NDP: variants seen among roughly 807,000 people sequenced by gnomAD.
NDP encodes norrin.
A neutral mutation model predicts 8.4 loss-of-function variants in NDP; 2 were observed. The ratio of observed to expected loss-of-function variants is 0.24; its 90% confidence interval spans 0.10 to 0.75. The LOEUF (loss-of-function observed/expected upper bound fraction) is 0.75, where lower values mean the gene tolerates loss of function less well. Ranked by LOEUF, NDP falls within the 30% of genes least tolerant of loss-of-function variation. NDP has a pLI of 0.73. For synonymous variants in NDP, 55 were observed against 45.6 expected, an observed-to-expected ratio of 1.21 and a Z score of -0.83; for missense variants, 81 against 110.1, an observed-to-expected ratio of 0.74 and a Z score of 1.18.
intron 1 of NDP, among the ~76,000 whole-genome samples, chrX:43,959,494 G>A (rs1410823502): frequency 2.7e-5 from 3 of 112,345 alleles, no homozygotes; most frequent in Non-Finnish European, 3.8e-5. Context: ...GGTATCACAC[G>A]CGTATTTGCC....
At chrX:43,962,527 C>G (rs1181640076) in intron 1 of NDP, among the ~76,000 whole-genome samples, 1 of 111,709 alleles carries the variant, frequency 9.0e-6, no homozygotes, top group African/African-American at 3.3e-5. Context: ...TTATCTCTGC[C>G]TTGTAGCAGC....
chrX:43,963,369 C>G (rs767706092), intron 1 of NDP, among the ~76,000 whole-genome samples: 3 of 111,205 alleles, frequency 2.7e-5, no homozygotes, highest in Non-Finnish European at 3.8e-5. Context: ...TTGATAAACT[C>G]TCTGAACATC....
intron 1 of NDP, among the ~76,000 whole-genome samples, chrX:43,961,263 C>A (rs1046377160): frequency 3.6e-5 from 4 of 112,589 alleles, no homozygotes; most frequent in Non-Finnish European, 5.6e-5. Context: ...TCTGGCAATA[C>A]CTTTTAAAAA....
intron 1 of NDP, among the ~76,000 whole-genome samples, chrX:43,961,511 A>T (rs929863678): frequency 8.9e-6 from 1 of 112,294 alleles, no homozygotes; most frequent in Non-Finnish European, 1.9e-5. Flanking sequence ...AGAGATAAAA[A>T]CACATATTTG....
intron 1 of NDP, among the ~76,000 whole-genome samples, chrX:43,962,259 A>G (rs1045054203): frequency 9.1e-6 from 1 of 110,243 alleles, no homozygotes; most frequent in African/African-American, 3.3e-5. Context: ...TTCTGAAAAC[A>G]TAACCTGGGA....
At chrX:43,954,093 C>T (rs982715206) in intron 2 of NDP, among the ~76,000 whole-genome samples, 25 of 112,268 alleles carry the variant, frequency 2.2e-4, no homozygotes, top group African/African-American at 7.1e-4. Flanking sequence ...AAGTATTTTG[C>T]CTTTTTCGCA....
chrX:43,958,605 G>A lies in NDP; in HGVS notation c.41C>T (p.Ser14Phe). The change falls in exon 2 of 3, where the codon TCC becomes TTC. Residue 14 changes from serine (S) to phenylalanine (F), a missense_variant. Transcript: ENST00000642620. The part of the protein sequence containing the change: ...HVLAASFSML[S>F]LLVIMGDTDS... ...TGTATCTCCCATTATCACCAGCAGG[G>A]AGAGCATAGAAAAGGATGCAGCTAG... is the stretch of plus-strand genomic sequence containing the variant. The A allele has an allele frequency of 2.5e-6, 3 of 1,211,524 alleles. No individual in the cohort carries two copies. Among genetic ancestry groups the A allele is most frequent in the Non-Finnish European group, 3.4e-6 (3 of 895,154 alleles).
chrX:43,957,276 G>A (rs1184049842), intron 2 of NDP, among the ~76,000 whole-genome samples: 1 of 110,757 alleles, frequency 9.0e-6, no homozygotes, highest in East Asian at 2.8e-4. Flanking sequence ...ATTTGTTTTA[G>A]TTTCCCTTTC....
rs375616103 is a variant in NDP at position 43,958,451 on chromosome X, TCA to T, written c.174+19_174+20del. The T allele has an allele frequency of 9.3e-5, 112 of 1,204,721 alleles. No individual in the cohort carries two copies. The African/African-American group carries it at 1.7e-3, about 19-fold the overall frequency. ...CCTGTTTCTGAGGGAAATGCTCTCC[TCA>T]CAGAGACCTTGGTCTTACCTTTGAG... On this transcript the variant is annotated intron_variant, in intron 2 of 2. Coordinates refer to ENST00000642620, the MANE Select transcript of NDP (RefSeq NM_000266.4).
chrX:43,951,686 A>T (rs1198913144), intron 2 of NDP, among the ~76,000 whole-genome samples: 1 of 111,691 alleles, frequency 9.0e-6, no homozygotes, highest in Admixed American at 9.5e-5. Context: ...GGGAGAAAAG[A>T]TGAATTCTGG....
Position 43,958,720 on chromosome X carries a change from C to A in NDP, c.-75G>T, listed in dbSNP as rs2035809941. 11 of 908,801 alleles carry A rather than the reference C, an allele frequency of 1.2e-5. No individual in the cohort carries two copies. In the Admixed American group the frequency reaches 2.3e-4, roughly 19 times the overall value. 74.9% of individuals were successfully genotyped at this position (908,801 alleles called of 1,213,427 possible). A position where few individuals can be genotyped will look rare whatever the true frequency, so the allele number is the denominator to read the frequency against. Reference sequence around the variant, plus strand: ...CAAAAAATTGGAAATGGCTTCACCTCCTAGGATCCAGTCCCGTTCAAGGAA... The same window carrying A: ...CAAAAAATTGGAAATGGCTTCACCTACTAGGATCCAGTCCCGTTCAAGGAA... On this transcript the variant is annotated 5_prime_UTR_variant, in exon 2 of 3. Coordinates refer to ENST00000642620, the MANE Select transcript of NDP (RefSeq NM_000266.4).
chrX:43,955,164 C>T lies in NDP; in HGVS notation c.174+3308G>A, dbSNP rs149990838. Among the ~76,000 whole-genome samples the T allele has an allele frequency of 1.8e-3, 199 of 112,320 alleles. 1 individual carries two copies. The East Asian group carries it at 0.03, about 17-fold the overall frequency. On this transcript the variant is annotated intron_variant, in intron 2 of 2. Transcript: ENST00000642620. ...AAGAACTACAATAAGGTTCATTTTC[C>T]TAATCTTTTAAGGCTATAGGAGATC... is the stretch of plus-strand genomic sequence containing the variant.
rs773171999 is a variant in NDP at position 43,958,462 on chromosome X, T to C, written c.174+10A>G. ...GGGAAATGCTCTCCTCACAGAGACCTTGGTCTTACCTTTGAGCTACACTTG... is the reference window on the plus strand; with the variant it reads ...GGGAAATGCTCTCCTCACAGAGACCCTGGTCTTACCTTTGAGCTACACTTG... On this transcript the variant is annotated intron_variant, in intron 2 of 2. Coordinates refer to ENST00000642620, the MANE Select transcript of NDP (RefSeq NM_000266.4). 5 of 1,209,236 alleles carry C rather than the reference T, an allele frequency of 4.1e-6. No homozygotes were observed. In the South Asian group the frequency reaches 8.8e-5, roughly 21 times the overall value.
chrX:43,959,496 G>A (rs757206781), intron 1 of NDP, among the ~76,000 whole-genome samples: 7 of 112,344 alleles, frequency 6.2e-5, no homozygotes, highest in Admixed American at 2.8e-4. Flanking sequence ...TATCACACGC[G>A]TATTTGCCAA....
At chrX:43,951,350 G>A (rs895665003) in intron 2 of NDP, among the ~76,000 whole-genome samples, 1 of 110,926 alleles carries the variant, frequency 9.0e-6, no homozygotes, top group East Asian at 2.8e-4. Context: ...AGGAATTAGA[G>A]GCTGCAGGAA....
At chrX:43,969,213 G>A (rs2035875931) in intron 1 of NDP, among the ~76,000 whole-genome samples, 1 of 112,123 alleles carries the variant, frequency 8.9e-6, no homozygotes, top group Non-Finnish European at 1.9e-5. Context: ...GCATTTTTTA[G>A]TTCGGATCAA....
intron 2 of NDP, among the ~76,000 whole-genome samples, chrX:43,950,483 T>C (rs1332135896): frequency 1.1e-5 from 1 of 94,558 alleles, no homozygotes; most frequent in South Asian, 4.8e-4. Flanking sequence ...AAAAAAGAAA[T>C]TGATTTGTGC....
intron 1 of NDP, among the ~76,000 whole-genome samples, chrX:43,964,617 G>A (rs766014096): frequency 2.7e-5 from 3 of 111,049 alleles, no homozygotes; most frequent in South Asian, 7.7e-4. Flanking sequence ...CCCATTGGTC[G>A]CCTATGTTGT....
intron 1 of NDP, among the ~76,000 whole-genome samples, chrX:43,971,184 T>C (rs1056203215): frequency 3.6e-5 from 4 of 112,233 alleles, no homozygotes; most frequent in Admixed American, 1.9e-4. Flanking sequence ...CAATGTCTCA[T>C]TCACCTTTGC....
Sources: allele counts gnomAD v4.1 joint callset (sites outside exome capture counted in the v4.1 genomes callset), GRCh38; gene constraint gnomAD v4.1.1; transcripts MANE v1.5; gene names NCBI Gene and HGNC (gene_info 2026-07-23, HGNC 2026-07-21).